The following PDE1C variants were observed in gnomAD, a reference collection of about 807,000 sequenced individuals.
PDE1C encodes the protein dual specificity calcium/calmodulin-dependent 3',5'-cyclic nucleotide phosphodiesterase 1C.
PDE1C carries 62 observed loss-of-function variants against 93.1 expected under a neutral mutation model. The observed-to-expected ratio is 0.67, with a 90% CI of 0.54 to 0.82. The LOEUF (loss-of-function observed/expected upper bound fraction) is 0.82, where lower values mean the gene tolerates loss of function less well. Ranked by LOEUF, PDE1C falls within the 40% of genes least tolerant of loss-of-function variation. The pLI is 0.00. For missense variants in PDE1C, 742 were observed against 884.6 expected, an observed-to-expected ratio of 0.84 and a Z score of 2.04; for synonymous variants, 325 against 310.1, an observed-to-expected ratio of 1.05 and a Z score of -0.50.
intron 1 of PDE1C, among the ~76,000 whole-genome samples, chr7:32,427,498 T>A (rs1012342462): frequency 6.6e-6 from 1 of 152,132 alleles, no homozygotes; most frequent in African/African-American, 2.4e-5. Context: ...TGGGAGGAGA[T>A]GGGAAAGGTG....
At chr7:31,928,889 T>C (rs1803776251) in intron 2 of PDE1C, among the ~76,000 whole-genome samples, 1 of 152,154 alleles carries the variant, frequency 6.6e-6, no homozygotes, top group Admixed American at 6.5e-5. Flanking sequence ...ATGTGCAAAA[T>C]GATCAGCTAG....
At chr7:31,745,849 A>C in the PDE1C span, among the ~76,000 whole-genome samples, 1 of 152,138 alleles carries the variant, frequency 6.6e-6, no homozygotes, top group Non-Finnish European at 1.5e-5. Context: ...GGTGATATTT[A>C]TGTCTTTTTG....
intron 13 of PDE1C, among the ~76,000 whole-genome samples, chr7:31,824,224 T>G: frequency 6.6e-6 from 1 of 152,160 alleles, no homozygotes; most frequent in East Asian, 1.9e-4. Flanking sequence ...AATAAAGACT[T>G]TATGGTAGCT....
intron 16 of PDE1C, among the ~76,000 whole-genome samples, chr7:31,794,727 T>G (rs1402569467): frequency 6.6e-6 from 1 of 151,774 alleles, no homozygotes; most frequent in Non-Finnish European, 1.5e-5. Context: ...TTCACAGAGG[T>G]GCAGGTGAGG....
intron 3 of PDE1C, among the ~76,000 whole-genome samples, chr7:32,141,022 T>C (rs1800492243): frequency 6.6e-6 from 1 of 152,252 alleles, no homozygotes; most frequent in South Asian, 2.1e-4. Context: ...AAGGCCAAAA[T>C]TTATGTCCGC....
In PDE1C at chr7:31,936,791, G is replaced by A. The variant is rs147873817; in HGVS notation, c.129-55931C>T. 4.9e-3 allele frequency among the ~76,000 whole-genome samples: 746 copies of A among 152,198 alleles called. 1 individual carries two copies. Among genetic ancestry groups the A allele is most frequent in the Non-Finnish European group, 8.1e-3 (550 of 67,996 alleles). ...GTTCTATAAACCAAAAAGGATCTGA[G>A]GCATGTCTCAATCAGTTTAGAGGTT... On this transcript the variant is annotated intron_variant, in intron 2 of 17. Transcript: ENST00000396191.
chr7:31,979,479 C>A (rs1812102886), intron 2 of PDE1C, among the ~76,000 whole-genome samples: 1 of 152,176 alleles, frequency 6.6e-6, no homozygotes. Context: ...CACCCTCAAA[C>A]AATCTTATGA....
chr7:31,841,371 G>A (rs185102421), intron 9 of PDE1C, among the ~76,000 whole-genome samples: 55 of 151,956 alleles, frequency 3.6e-4, no homozygotes, highest in Non-Finnish European at 6.5e-4. Context: ...TTTCTACTTA[G>A]GCAATCATGT....
In PDE1C at chr7:31,823,099, T is replaced by C; in HGVS notation, c.1556A>G (p.Glu519Gly). Residue 519 changes from glutamate to glycine, a missense_variant, in exon 14 of 18, where the codon GAG (glutamate) becomes GGG (glycine). Physicochemically the swap from Glu to Gly is moderately conservative, Grantham distance 98. Transcript: ENST00000396191. ...TTTGGGTACCTTGGCCCTCCATCTC[T>C]CCCGATTGATGTGCACCACTTCCGT... ...TWTEVVHINR[E>G]RWRAKVPKEE... 6.2e-7 allele frequency: 1 copy of C among 1,612,432 alleles called. No individual in the cohort carries two copies. The highest frequency in any genetic ancestry group is 8.5e-7 in the Non-Finnish European group (1 of 1,179,108).
At chr7:32,193,919 T>TTG (rs1554283872) in intron 2 of PDE1C, among the ~76,000 whole-genome samples, 41 of 133,738 alleles carry the variant, frequency 3.1e-4, no homozygotes, top group South Asian at 5.2e-4. Flanking sequence ...TTGTTTTGTT[T>TTG]TTTTTTTTTT....
At chr7:32,052,263 G>A (rs189215583) in intron 1 of PDE1C, 253 of 471,162 alleles carry the variant, frequency 5.4e-4, no homozygotes, top group South Asian at 2.6e-3. Context: ...TCCAGCCCAC[G>A]TCTGTTATTT....
intron 1 of PDE1C, among the ~76,000 whole-genome samples, chr7:32,318,171 A>T (rs1268279590): frequency 6.6e-6 from 1 of 152,146 alleles, no homozygotes; most frequent in Non-Finnish European, 1.5e-5. Context: ...AAGCATAAAC[A>T]AGGAGGGACA....
intron 2 of PDE1C, among the ~76,000 whole-genome samples, chr7:31,989,291 T>C (rs992052570): frequency 2.0e-5 from 3 of 152,168 alleles, no homozygotes; most frequent in African/African-American, 7.2e-5. Context: ...ATGGCTCTAA[T>C]TTCTGTATCT....
the PDE1C span, among the ~76,000 whole-genome samples, chr7:31,703,101 A>C: frequency 2.6e-5 from 4 of 152,344 alleles, 1 homozygote; most frequent in African/African-American, 9.6e-5. Flanking sequence ...GACCATAAAT[A>C]TGTCTCCCAG....
chr7:31,638,767 C>G, the PDE1C span, among the ~76,000 whole-genome samples: 3 of 151,864 alleles, frequency 2.0e-5, no homozygotes, highest in Non-Finnish European at 4.4e-5. Context: ...ATTTTTCTTT[C>G]TTTTGTTTTT....
intron 2 of PDE1C, among the ~76,000 whole-genome samples, chr7:32,037,042 A>G (rs1194244106): frequency 1.3e-5 from 2 of 152,194 alleles, no homozygotes; most frequent in African/African-American, 2.4e-5. Flanking sequence ...CATTCTATCA[A>G]TTACGTAAGA....
chr7:31,942,293 C>T (rs1805964038), intron 2 of PDE1C, among the ~76,000 whole-genome samples: 1 of 152,110 alleles, frequency 6.6e-6, no homozygotes, highest in Non-Finnish European at 1.5e-5. Context: ...CTAAAGCTCT[C>T]CAGGAAAAGT....
chr7:32,011,727 G>C (rs915455257), intron 2 of PDE1C, among the ~76,000 whole-genome samples: 1 of 152,178 alleles, frequency 6.6e-6, no homozygotes, highest in Non-Finnish European at 1.5e-5. Context: ...TCCTGCTGAT[G>C]GGAATGTAAA....
At chr7:31,953,239 C>A (rs1030235043) in intron 2 of PDE1C, among the ~76,000 whole-genome samples, 53 of 152,280 alleles carry the variant, frequency 3.5e-4, no homozygotes, top group African/African-American at 1.2e-3. Context: ...AGGTTTGCGA[C>A]GGTGCTGATT....
Sources: gnomAD v4.1 joint callset for allele counts (sites outside exome capture counted in the v4.1 genomes callset) on GRCh38, gnomAD v4.1.1 for gene constraint, MANE v1.5 for transcripts, NCBI Gene and HGNC (gene_info 2026-07-23, HGNC 2026-07-21) for gene names.